Variants in RPL23A observed in about 807,000 individuals in gnomAD.
RPL23A encodes the protein large ribosomal subunit protein uL23.
RPL23A carries 2 observed loss-of-function variants against 17.6 expected under a neutral mutation model. The observed-to-expected ratio is 0.11, with a 90% CI of 0.05 to 0.36. RPL23A has a LOEUF of 0.36. RPL23A is among the 10% of genes least tolerant of loss of function. The probability of loss-of-function intolerance (pLI) is 1.00; values close to 1 mark genes in which losing one functional copy is unlikely to be tolerated. For synonymous variants in RPL23A, 65 were observed against 74.3 expected, an observed-to-expected ratio of 0.87 and a Z score of 0.65; for missense variants, 132 against 194.4, an observed-to-expected ratio of 0.68 and a Z score of 1.91.
In RPL23A at chr17:28,720,777, C is replaced by A. The variant is rs771675862; in HGVS notation, c.96C>A (p.Val32=). The stretch of plus-strand genomic sequence containing the variant: ...CCAAGAAGGCAGTGTTGAAAGGTGT[C>A]CACAGCCACAAAAAGAAGAAGATCC... ...LKAKKAVLKG[V]HSHKKKKIRT... The change falls in exon 2 of 5, where the codon GTC becomes GTA. Residue 32 remains valine (V), a synonymous_variant. Transcript: ENST00000422514. The A allele has an allele frequency of 2.5e-6, 4 of 1,612,046 alleles. No individual in the cohort carries two copies. The South Asian group carries it at 3.3e-5, about 13-fold the overall frequency.
chr17:28,723,901 TTC>T lies in RPL23A; in HGVS notation c.*22_*23del, dbSNP rs765598485. 1.4e-5 allele frequency: 21 copies of T among 1,555,078 alleles called. No individual in the cohort carries two copies. The highest frequency in any genetic ancestry group is 1.7e-5 in the Admixed American group (1 of 59,066). ...ATCTAAACTGAGTCCAGCTGCCTAATTCTGAATATATATATATATATATCTTT... is the reference window on the plus strand; with the variant it reads ...ATCTAAACTGAGTCCAGCTGCCTAATTGAATATATATATATATATATCTTT... On this transcript the variant is annotated 3_prime_UTR_variant, in exon 5 of 5. Transcript: ENST00000422514.
chr17:28,720,227 G>GT (rs760968797), intron 1 of RPL23A, 197 bp downstream of exon 1: 249 of 1,536,266 alleles, frequency 1.6e-4, no homozygotes, highest in African/African-American at 1.2e-3. Context: ...GAGGGAGTTG[G>GT]GGGGGGGCAA....
At chr17:28,721,354 CA>C (rs200083924) in intron 2 of RPL23A, 239 of 138,578 alleles carry the variant, frequency 1.7e-3, no homozygotes, top group South Asian at 4.5e-3. Context: ...AACTCTGTCT[CA>C]AAAAAAAAAA....
chr17:28,723,579 G>C lies in RPL23A; in HGVS notation c.395G>C (p.Gly132Ala). 1 of 1,613,592 alleles carries C rather than the reference G, an allele frequency of 6.2e-7. No homozygotes were observed. The highest frequency in any genetic ancestry group is 8.5e-7 in the Non-Finnish European group (1 of 1,179,520). ...TTCCTTCTCTACCCTAGGCCTGATG[G>C]AGAGAAGAAGGCATATGTTCGACTG... ...AKVNTLIRPD[G>A]EKKAYVRLAP... is the part of the protein sequence containing the mutation. The change falls in exon 4 of 5, where the codon GGA becomes GCA. Residue 132 changes from glycine (G) to alanine (A), a missense_variant. Physicochemically the swap from Gly to Ala is moderately conservative, Grantham distance 60 (BLOSUM62 0). Transcript: ENST00000422514.
At chr17:28,720,088 G>A (rs2034073619) in intron 1 of RPL23A, 58 bp downstream of exon 1, 2 of 1,546,638 alleles carry the variant, frequency 1.3e-6, no homozygotes, top group Non-Finnish European at 1.7e-6. Context: ...GCCGCAGAGC[G>A]AACGAATTGG....
intron 1 of RPL23A, 113 bp downstream of exon 1, chr17:28,720,143 T>C: frequency 6.5e-7 from 1 of 1,529,022 alleles, no homozygotes; most frequent in Non-Finnish European, 8.9e-7. Flanking sequence ...GCTCCGGGGC[T>C]GCTCCCTGCG....
At position 28,724,344 on chromosome 17, in the gene RPL23A, G is replaced by A. The variant is rs2034172031; in HGVS notation, c.*463G>A. Reference sequence around the variant, plus strand: ...TCACCCCTTGCCCAATAAAGGACAAGGACTTCAGAGGAGTACTTTCATTAG... The same window carrying A: ...TCACCCCTTGCCCAATAAAGGACAAAGACTTCAGAGGAGTACTTTCATTAG... On this transcript the variant is annotated 3_prime_UTR_variant, in exon 5 of 5. Transcript: ENST00000422514. The A allele has an allele frequency of 3.3e-6, 3 of 908,804 alleles. No individual in the cohort carries two copies. Among genetic ancestry groups the A allele is most frequent in the Non-Finnish European group, 5.0e-6 (3 of 595,238 alleles). The allele number at this position is 908,804 out of a possible 1,614,324, so 56.3% of individuals were successfully genotyped here.
rs1237554965 is a variant in RPL23A at position 28,719,985 on chromosome 17, A to T, written c.-21A>T. ...GCGCTATAAGCCCGTGGGAACGAGC[A>T]TTGGAGACCCTTTTCACAAGATGGC... is the stretch of plus-strand genomic sequence containing the variant. On this transcript the variant is annotated 5_prime_UTR_variant, in exon 1 of 5. Transcript: ENST00000422514. 2 of 1,551,882 alleles carry T rather than the reference A, an allele frequency of 1.3e-6. No homozygotes were observed. Among genetic ancestry groups the T allele is most frequent in the Non-Finnish European group, 1.7e-6 (2 of 1,147,002 alleles).
Position 28,724,006 on chromosome 17 carries a change from G to A in RPL23A, c.*125G>A, listed in dbSNP as rs1033125932. On this transcript the variant is annotated 3_prime_UTR_variant, in exon 5 of 5. Coordinates refer to ENST00000422514, the MANE Select transcript of RPL23A (RefSeq NM_000984.6). The stretch of plus-strand genomic sequence containing the variant: ...ACACACACTGACATGACAGGGCTTG[G>A]GCAAGACTCCTGTTCTACTTATCCT... 4 of 644,682 alleles carry A rather than the reference G, an allele frequency of 6.2e-6. No individual in the cohort carries two copies. Among genetic ancestry groups the A allele is most frequent in the Admixed American group, 6.1e-5 (2 of 32,612 alleles). The allele number at this position is 644,682 out of a possible 1,614,324, so 39.9% of individuals were successfully genotyped here.
In RPL23A at chr17:28,722,876, G is replaced by A. The variant is rs2034140783; in HGVS notation, c.363G>A (p.Val121=). ...QAVKKLYDID[V]AKVNTLIRPD... is the part of the protein sequence containing the mutation. Reference sequence around the variant, plus strand: ...TGAAGAAGCTGTATGACATTGATGTGGCCAAGGTCAACACCCTGATTCGGT... The same window carrying A: ...TGAAGAAGCTGTATGACATTGATGTAGCCAAGGTCAACACCCTGATTCGGT... The change falls in exon 3 of 5, where the codon GTG becomes GTA. Residue 121 remains valine, a synonymous_variant. Coordinates refer to ENST00000422514, the MANE Select transcript of RPL23A (RefSeq NM_000984.6). 1 of 1,613,742 alleles carries A rather than the reference G, an allele frequency of 6.2e-7. No homozygotes were observed. The highest frequency in any genetic ancestry group is 1.3e-5 in the African/African-American group (1 of 74,902).
In RPL23A at chr17:28,723,437, G is replaced by A. The variant is rs1362362305; in HGVS notation, c.387-134G>A. Reference sequence around the variant, plus strand: ...GCTTCATGGTGTCCTCTGGGCTAATGATGGAAAAATCATTATTGGAAAAGA... The same window carrying A: ...GCTTCATGGTGTCCTCTGGGCTAATAATGGAAAAATCATTATTGGAAAAGA... On this transcript the variant is annotated intron_variant, in intron 3 of 4. Transcript: ENST00000422514. The A allele has an allele frequency of 7.5e-6, 6 of 799,746 alleles. No individual in the cohort carries two copies. The South Asian group carries it at 8.1e-5, about 11-fold the overall frequency. The allele number at this position is 799,746 out of a possible 1,614,324, so 49.5% of individuals were successfully genotyped here.
chr17:28,720,099 G>C, intron 1 of RPL23A, 69 bp downstream of exon 1: 1 of 1,542,516 alleles, frequency 6.5e-7, no homozygotes. Context: ...AACGAATTGG[G>C]AACACGGCTG....
Position 28,724,031 on chromosome 17 carries a change from T to C in RPL23A, c.*150T>C. 1.7e-6 allele frequency: 1 copy of C among 575,948 alleles called. No individual in the cohort carries two copies. The allele number at this position is 575,948 out of a possible 1,614,324, so 35.7% of individuals were successfully genotyped here. ...GGCAAGACTCCTGTTCTACTTATCC[T>C]TTTGAAATACCTCACCCTGCCACTC... On this transcript the variant is annotated 3_prime_UTR_variant, in exon 5 of 5. Transcript: ENST00000422514.
At position 28,723,985 on chromosome 17, in the gene RPL23A, ACACT is replaced by A; in HGVS notation, c.*105_*108del. 7 of 755,890 alleles carry A rather than the reference ACACT, an allele frequency of 9.3e-6. No individual in the cohort carries two copies. Among genetic ancestry groups the A allele is most frequent in the Non-Finnish European group, 1.3e-5 (6 of 470,576 alleles). The allele number at this position is 755,890 out of a possible 1,614,324, so 46.8% of individuals were successfully genotyped here. A position where few individuals can be genotyped will look rare whatever the true frequency, so the allele number is the denominator to read the frequency against. On this transcript the variant is annotated 3_prime_UTR_variant, in exon 5 of 5. Transcript: ENST00000422514. ...GGTTGGGCTGGGAGGCCACACACAC[ACACT>A]GACATGACAGGGCTTGGGCAAGACT...
At chr17:28,721,433 AT>A (rs2034113030) in intron 2 of RPL23A, 1 of 156,178 alleles carries the variant, frequency 6.4e-6, no homozygotes, top group Admixed American at 6.2e-5. Context: ...TTGAAAACTT[AT>A]TTTGGGGGGA....
At chr17:28,720,412 AGCGTG>A in intron 1 of RPL23A, 1 of 1,600,694 alleles carries the variant, frequency 6.2e-7, no homozygotes, top group East Asian at 2.2e-5. Context: ...CTCTCTCCGC[AGCGTG>A]GTTTTGCGAT....
intron 3 of RPL23A, among the ~76,000 whole-genome samples, chr17:28,723,132 A>T (rs1410927981): frequency 6.6e-6 from 1 of 151,828 alleles, no homozygotes; most frequent in Non-Finnish European, 1.5e-5. Context: ...AAAAAAAAAA[A>T]ATCCCCTGGA....
At position 28,722,658 on chromosome 17, in the gene RPL23A, C is replaced by G. The variant is rs753909349; in HGVS notation, c.210-65C>G. 5.3e-6 allele frequency: 7 copies of G among 1,331,882 alleles called. No individual in the cohort carries two copies. In the South Asian group the frequency reaches 8.2e-5, roughly 16 times the overall value. The allele number at this position is 1,331,882 out of a possible 1,614,324, so 82.5% of individuals were successfully genotyped here. On this transcript the variant is annotated intron_variant, in intron 2 of 4. Coordinates refer to ENST00000422514, the MANE Select transcript of RPL23A (RefSeq NM_000984.6). The stretch of plus-strand genomic sequence containing the variant: ...TACCTCGTTGTCTGATGCACCTAGG[C>G]TCTCCTGGCTCTGGGCTCCAAAAGA...
intron 1 of RPL23A, 107 bp downstream of exon 1, chr17:28,720,137 C>A: frequency 6.5e-7 from 1 of 1,528,192 alleles, no homozygotes; most frequent in Non-Finnish European, 8.9e-7. Flanking sequence ...GGCTCTGCTC[C>A]GGGGCTGCTC....
Sources: allele counts gnomAD v4.1 joint callset (sites outside exome capture counted in the v4.1 genomes callset), GRCh38; gene constraint gnomAD v4.1.1; transcripts MANE v1.5; gene names NCBI Gene and HGNC (gene_info 2026-07-23, HGNC 2026-07-21).